The following GPATCH8 variants were observed in gnomAD, a reference collection of about 807,000 sequenced individuals.
The protein encoded by GPATCH8 is G-patch domain containing 8.
Under a neutral mutation model 118.3 loss-of-function variants are expected in GPATCH8, and 18 were observed. The observed-to-expected ratio is 0.15, with a 90% CI of 0.11 to 0.23. The LOEUF is 0.23. Ranked by LOEUF, GPATCH8 falls within the 10% of genes least tolerant of loss-of-function variation. The pLI, the probability that GPATCH8 is intolerant of heterozygous loss-of-function variation, is 1.00. For missense variants in GPATCH8, 1,631 were observed against 1,873.8 expected (o/e 0.87, Z 2.39); for synonymous variants, 659 against 684.7 (o/e 0.96, Z 0.59).
rs142005442 is a variant in GPATCH8, at chr17:44,479,596, C to T, written c.46-4693G>A. The stretch of plus-strand genomic sequence containing the variant: ...ATGATATATTCTAGAAGAAAAAATA[C>T]AAGAGAAAAATCTTTGTGACCACAG... On this transcript the variant is annotated intron_variant, in intron 1 of 7. Transcript: ENST00000591680. Among the ~76,000 whole-genome samples the T allele has an allele frequency of 5.9e-3, 899 of 152,248 alleles. 10 individuals carry two copies. Among genetic ancestry groups the T allele is most frequent in the African/African-American group, 0.021 (868 of 41,560 alleles).
At chr17:44,434,006 T>G (rs943526668) in intron 5 of GPATCH8, among the ~76,000 whole-genome samples, 5 of 151,872 alleles carry the variant, frequency 3.3e-5, no homozygotes, top group Admixed American at 2.6e-4. Flanking sequence ...CTGGCCGTGG[T>G]GGCTCATACC....
chr17:44,398,562 T>G lies in GPATCH8; in HGVS notation c.3515A>C (p.Gln1172Pro). The G allele has an allele frequency of 2.5e-6, 4 of 1,577,234 alleles. No homozygotes were observed. Among genetic ancestry groups the G allele is most frequent in the Non-Finnish European group, 3.4e-6 (4 of 1,165,446 alleles). The change falls in exon 8 of 8, where the codon CAA (glutamine) becomes CCA (proline). Residue 1172 changes from glutamine (Q) to proline (P), a missense_variant. Gln to Pro is a moderately conservative substitution (Grantham distance 76). Around this residue, in one of 8 missense-constraint regions of GPATCH8, gnomAD observed 922 missense variants for 879.7 expected, o/e 1.05. Coordinates refer to ENST00000591680, the MANE Select transcript of GPATCH8 (RefSeq NM_001002909.4). ...EESGLERGEE[Q>P]EQSETEEGPP... ...CCCCTCTTCTGTCTCTGACTGTTCT[T>G]GCTCTTCCCCCCTTTCCAAGCCAGA...
intron 5 of GPATCH8, among the ~76,000 whole-genome samples, chr17:44,433,851 A>G (rs2050404058): frequency 6.6e-6 from 1 of 152,218 alleles, no homozygotes; most frequent in Non-Finnish European, 1.5e-5. Flanking sequence ...TAAAGAAGAA[A>G]GAGTATGCCA....
chr17:44,417,220 T>TA (rs2049718603), intron 6 of GPATCH8, among the ~76,000 whole-genome samples: 1 of 152,042 alleles, frequency 6.6e-6, no homozygotes, highest in Non-Finnish European at 1.5e-5. Flanking sequence ...CAAGTAAGAG[T>TA]AAGTAATCTT....
chr17:44,452,605 C>T (rs992171634), intron 3 of GPATCH8, among the ~76,000 whole-genome samples: 2 of 152,056 alleles, frequency 1.3e-5, no homozygotes, highest in Admixed American at 6.6e-5. Flanking sequence ...ATACTCATAC[C>T]CAGACAACTT....
chr17:44,405,751 G>A (rs1213248008), intron 7 of GPATCH8, among the ~76,000 whole-genome samples, 170 bp downstream of exon 7: 1 of 152,140 alleles, frequency 6.6e-6, no homozygotes, highest in Non-Finnish European at 1.5e-5. Flanking sequence ...TGATCCGCCC[G>A]CCTCGGTCTC....
intron 6 of GPATCH8, among the ~76,000 whole-genome samples, chr17:44,415,731 G>C (rs1598434967): frequency 1.3e-5 from 2 of 152,166 alleles, no homozygotes; most frequent in Non-Finnish European, 2.9e-5. Flanking sequence ...GACTACAATA[G>C]AACAAAGAGT....
At chr17:44,407,076 T>C (rs960726836) in intron 6 of GPATCH8, 5 of 152,154 alleles carry the variant, frequency 3.3e-5, no homozygotes, top group Non-Finnish European at 7.3e-5. Context: ...TAGAAAGGCA[T>C]GATGTTCAAC....
At chr17:44,457,673 C>A (rs540216042) in intron 3 of GPATCH8, among the ~76,000 whole-genome samples, 2 of 152,262 alleles carry the variant, frequency 1.3e-5, no homozygotes, top group South Asian at 4.1e-4. Context: ...GTGGATCACA[C>A]CTATAATCCC....
rs112709601 is a variant in GPATCH8 at position 44,491,761 on chromosome 17, G to C, written c.45+11565C>G. 5.6e-3 allele frequency among the ~76,000 whole-genome samples: 845 copies of C among 152,098 alleles called. 13 individuals carry two copies. Among genetic ancestry groups the C allele is most frequent in the African/African-American group, 0.02 (815 of 41,508 alleles). On this transcript the variant is annotated intron_variant, in intron 1 of 7. Transcript: ENST00000591680. ...CCCAGCTACTCGGGAGGCTGCAATG[G>C]GAGGATTGCCTGAGTCCAAGAGGTC...
At chr17:44,452,210 T>C (rs1026630325) in intron 3 of GPATCH8, among the ~76,000 whole-genome samples, 2 of 144,012 alleles carry the variant, frequency 1.4e-5, no homozygotes, top group Middle Eastern at 3.6e-3. Context: ...GAGGTGGAGG[T>C]TGCAGTGAGC....
chr17:44,436,570 G>C, intron 3 of GPATCH8, 25 bp from the exon 4 acceptor site: 1 of 1,215,720 alleles, frequency 8.2e-7, no homozygotes, highest in Non-Finnish European at 1.2e-6. Flanking sequence ...CATAATCAAG[G>C]TAAGGTGCAA....
In GPATCH8 at chr17:44,474,791, ACTAG is replaced by A. The variant is rs746498993; in HGVS notation, c.120+34_120+37del. The A allele has an allele frequency of 9.0e-5, 90 of 1,005,442 alleles. No homozygotes were observed. The African/African-American group carries it at 1.2e-3, about 14-fold the overall frequency. 62.3% of individuals were successfully genotyped at this position (1,005,442 alleles called of 1,614,324 possible). On this transcript the variant is annotated intron_variant, in intron 2 of 7. Coordinates refer to ENST00000591680, the MANE Select transcript of GPATCH8 (RefSeq NM_001002909.4). ...GTGTCACACGAACACTACCTAACTA[ACTAG>A]CTAAGACCCGAAATTAAGCACTGAT...
chr17:44,476,494 C>T lies in GPATCH8; in HGVS notation c.46-1591G>A, dbSNP rs562987473. On this transcript the variant is annotated intron_variant, in intron 1 of 7. Coordinates refer to ENST00000591680, the MANE Select transcript of GPATCH8 (RefSeq NM_001002909.4). ...TGCTGGGATTACAGGCGTGAGCCAC[C>T]GCACCCAGCCTGTTTTACTTTTTTA... 3.9e-5 allele frequency among the ~76,000 whole-genome samples: 6 copies of T among 152,226 alleles called. No individual in the cohort carries two copies. In the South Asian group the frequency reaches 8.3e-4, roughly 21 times the overall value.
chr17:44,436,029 C>CAAAAA (rs1157048818), intron 4 of GPATCH8, among the ~76,000 whole-genome samples: 9 of 41,806 alleles, frequency 2.2e-4, no homozygotes, highest in African/African-American at 5.3e-4. Flanking sequence ...AACTCCATCT[C>CAAAAA]AAAAAAAAAA....
chr17:44,412,408 A>G (rs944935897), intron 6 of GPATCH8, among the ~76,000 whole-genome samples: 35 of 151,776 alleles, frequency 2.3e-4, no homozygotes, highest in Admixed American at 2.3e-3. Context: ...TTTTTTTGAG[A>G]CAGAGTCTCC....
At chr17:44,489,675 C>A (rs1969086326) in intron 1 of GPATCH8, among the ~76,000 whole-genome samples, 1 of 151,816 alleles carries the variant, frequency 6.6e-6, no homozygotes, top group Non-Finnish European at 1.5e-5. Context: ...ACTAGAAAAA[C>A]AAAAAGAGGA....
At chr17:44,473,106 A>C (rs72824757) in intron 2 of GPATCH8, among the ~76,000 whole-genome samples, 11,100 of 151,872 alleles carry the variant, frequency 0.073, 689 homozygotes, top group East Asian at 0.33. Flanking sequence ...TAATCCCCAA[A>C]ATAATTCAGA....
At position 44,457,316 on chromosome 17, in the gene GPATCH8, A is replaced by G. The variant is rs537972941; in HGVS notation, c.193+7156T>C. ...GAATGTACCATTTTAATATTTCACAATAATGCCTCAGTTTTACTATACAAG... is the reference window on the plus strand; with the variant it reads ...GAATGTACCATTTTAATATTTCACAGTAATGCCTCAGTTTTACTATACAAG... On this transcript the variant is annotated intron_variant, in intron 3 of 7. Transcript: ENST00000591680. Among the ~76,000 whole-genome samples the G allele has an allele frequency of 2.2e-4, 34 of 152,288 alleles. 1 individual carries two copies. In the South Asian group the frequency reaches 7.0e-3, roughly 32 times the overall value.
Sources: gnomAD v4.1 joint callset for allele counts (sites outside exome capture counted in the v4.1 genomes callset) on GRCh38, gnomAD v4.1.1 for gene constraint, gnomAD v4.1.1 regional missense constraint, MANE v1.5 for transcripts, NCBI Gene and HGNC (gene_info 2026-07-23, HGNC 2026-07-21) for gene names.